The following PIK3C2G variants were observed in gnomAD, a reference collection of about 807,000 sequenced individuals.
The protein encoded by PIK3C2G is phosphatidylinositol 3-kinase C2 domain-containing subunit gamma.
Under a neutral mutation model 181.1 loss-of-function variants are expected in PIK3C2G, and 168 were observed. The ratio of observed to expected loss-of-function variants is 0.93; its 90% confidence interval spans 0.82 to 1.05. The LOEUF is 1.05. Ranked by LOEUF, PIK3C2G falls within the 50% of genes least tolerant of loss-of-function variation. The pLI, the probability that PIK3C2G is intolerant of heterozygous loss-of-function variation, is 0.00. For missense variants in PIK3C2G, 1,869 were observed against 1,732.8 expected, an observed-to-expected ratio of 1.08 and a Z score of -1.40; for synonymous variants, 573 against 592.2, an observed-to-expected ratio of 0.97 and a Z score of 0.47.
At chr12:18,430,270 C>T (rs1946081139) in intron 18 of PIK3C2G, among the ~76,000 whole-genome samples, 1 of 152,144 alleles carries the variant, frequency 6.6e-6, no homozygotes, top group Non-Finnish European at 1.5e-5. Flanking sequence ...ACTCCTCCTA[C>T]CAAGTCTGAT....
intron 18 of PIK3C2G, among the ~76,000 whole-genome samples, chr12:18,428,798 G>C (rs2135746044): frequency 6.6e-6 from 1 of 152,248 alleles, no homozygotes; most frequent in South Asian, 2.1e-4. Flanking sequence ...GAATTTAAAA[G>C]CTTTACCTCA....
At chr12:18,672,026 C>G in the PIK3C2G span, among the ~76,000 whole-genome samples, 2 of 152,090 alleles carry the variant, frequency 1.3e-5, no homozygotes, top group African/African-American at 2.4e-5. Flanking sequence ...CCACCAAAGG[C>G]CCCACCTACT....
intron 18 of PIK3C2G, among the ~76,000 whole-genome samples, chr12:18,469,376 C>A (rs532886552): frequency 3.9e-5 from 6 of 152,184 alleles, no homozygotes; most frequent in Non-Finnish European, 5.9e-5. Flanking sequence ...AACGAGTGAA[C>A]CCCTGCTGGG....
chr12:18,526,715 G>A (rs1303080790), intron 24 of PIK3C2G, among the ~76,000 whole-genome samples: 1 of 152,070 alleles, frequency 6.6e-6, no homozygotes, highest in East Asian at 1.9e-4. Context: ...GCCAGTCACA[G>A]AGCCATTCCT....
At chr12:18,670,794 T>A in the PIK3C2G span, among the ~76,000 whole-genome samples, 3 of 152,206 alleles carry the variant, frequency 2.0e-5, no homozygotes, top group Non-Finnish European at 4.4e-5. Flanking sequence ...GAATAACCAA[T>A]GTTTACATTG....
the PIK3C2G span, among the ~76,000 whole-genome samples, chr12:18,721,550 A>C: frequency 7.9e-5 from 12 of 151,972 alleles, no homozygotes; most frequent in Non-Finnish European, 1.6e-4. Context: ...TTAATTTACC[A>C]CCTGAAGTTT....
At chr12:18,532,437 A>T (rs947082452) in intron 24 of PIK3C2G, among the ~76,000 whole-genome samples, 1 of 152,096 alleles carries the variant, frequency 6.6e-6, no homozygotes, top group African/African-American at 2.4e-5. Context: ...TTTTCCTAAA[A>T]GTTGTATAAC....
chr12:18,659,927 C>G, the PIK3C2G span, among the ~76,000 whole-genome samples: 1 of 152,034 alleles, frequency 6.6e-6, no homozygotes, highest in Admixed American at 6.6e-5. Flanking sequence ...TAAAAGAACT[C>G]TAGGCTAACT....
intron 1 of PIK3C2G, among the ~76,000 whole-genome samples, chr12:18,255,065 C>A (rs1948130717): frequency 6.6e-6 from 1 of 151,366 alleles, no homozygotes; most frequent in Non-Finnish European, 1.5e-5. Flanking sequence ...CCCGTCTGTA[C>A]TAAAAGTACA....
At chr12:18,642,816 G>GTGTGTGTC (rs34243563) in intron 32 of PIK3C2G, among the ~76,000 whole-genome samples, 1,844 of 148,944 alleles carry the variant, frequency 0.012, 41 homozygotes, top group African/African-American at 0.042. Flanking sequence ...GTGTGTGTGT[G>GTGTGTGTC]TGTGTGTATA....
chr12:18,712,954 A>G, the PIK3C2G span: 1 of 1,613,998 alleles, frequency 6.2e-7, no homozygotes, highest in South Asian at 1.1e-5. Flanking sequence ...CCAGCAGTCA[A>G]TCTCCAAACA....
chr12:18,601,031 T>A (rs1947680364), intron 30 of PIK3C2G, among the ~76,000 whole-genome samples: 1 of 151,832 alleles, frequency 6.6e-6, no homozygotes, highest in Admixed American at 6.6e-5. Flanking sequence ...CAGACCAATC[T>A]CACTTAAGAA....
At chr12:18,410,616 A>G (rs1222426607) in intron 16 of PIK3C2G, among the ~76,000 whole-genome samples, 1 of 152,120 alleles carries the variant, frequency 6.6e-6, no homozygotes, top group Non-Finnish European at 1.5e-5. Flanking sequence ...AGTCTAAGCT[A>G]GAGACTCCAA....
chr12:18,499,982 C>G (rs1369963212), intron 22 of PIK3C2G, among the ~76,000 whole-genome samples: 1 of 152,256 alleles, frequency 6.6e-6, no homozygotes, highest in Non-Finnish European at 1.5e-5. Context: ...TGACAGCGTG[C>G]TGGCAGTCCT....
At chr12:18,664,052 C>T in the PIK3C2G span, among the ~76,000 whole-genome samples, 1 of 152,098 alleles carries the variant, frequency 6.6e-6, no homozygotes. Context: ...TGATATAACA[C>T]TCACACTCAT....
At chr12:18,563,338 A>G (rs1355797945) in intron 27 of PIK3C2G, 39 bp from the exon 28 acceptor site, 3 of 1,570,686 alleles carry the variant, frequency 1.9e-6, no homozygotes, top group East Asian at 2.3e-5. Flanking sequence ...ACAGGCTGAT[A>G]TTGCCATCTT....
At chr12:18,693,235 A>G in the PIK3C2G span, 276 of 1,557,236 alleles carry the variant, frequency 1.8e-4, no homozygotes, top group East Asian at 6.0e-3. Context: ...GTCAGGCTCA[A>G]CCACAAGGTG....
At position 18,641,743 on chromosome 12, in the gene PIK3C2G, C is replaced by CTTTTTTTTTTTTTTTTTTT. The variant is rs11285609; in HGVS notation, c.4308+1191_4308+1209dup. Among the ~76,000 whole-genome samples the CTTTTTTTTTTTTTTTTTTT allele has an allele frequency of 3.0e-4, 28 of 93,180 alleles. 4 individuals are homozygous for CTTTTTTTTTTTTTTTTTTT. The highest frequency in any genetic ancestry group is 1.2e-3 in the African/African-American group (25 of 20,348). 61.1% of individuals were successfully genotyped at this position (93,180 alleles called of 152,430 possible). ...AAAACCCTGGCTTCTCTCTCTCAAG[C>CTTTTTTTTTTTTTTTTTTT]TTTTTTTTTTTTTTTTTTTTGAGAT... On this transcript the variant is annotated intron_variant, in intron 32 of 32. Coordinates refer to ENST00000538779, the MANE Select transcript of PIK3C2G (RefSeq NM_001288772.2).
chr12:18,716,705 T>C, the PIK3C2G span, among the ~76,000 whole-genome samples: 1 of 152,232 alleles, frequency 6.6e-6, no homozygotes, highest in Non-Finnish European at 1.5e-5. Context: ...CTTAACTTTA[T>C]TTCATCTATT....
Sources: allele counts gnomAD v4.1 joint callset (sites outside exome capture counted in the v4.1 genomes callset), GRCh38; gene constraint gnomAD v4.1.1; transcripts MANE v1.5; gene names NCBI Gene and HGNC (gene_info 2026-07-23, HGNC 2026-07-21).